The following LMX1A variants were observed in gnomAD, a reference collection of about 807,000 sequenced individuals.
LMX1A encodes LIM homeobox transcription factor 1 alpha.
LMX1A carries 15 observed loss-of-function variants against 49.1 expected under a neutral mutation model. The observed-to-expected ratio is 0.31, with a 90% CI of 0.20 to 0.47. The LOEUF is 0.47. LMX1A is among the 20% of genes least tolerant of loss of function. The probability of loss-of-function intolerance (pLI) is 1.00; values close to 1 mark genes in which losing one functional copy is unlikely to be tolerated. For missense variants in LMX1A, 372 were observed against 475.8 expected (o/e 0.78, Z 2.03); for synonymous variants, 167 against 185.7 (o/e 0.90, Z 0.82).
chr1:165,225,140 CAT>C (rs767451052), intron 4 of LMX1A, among the ~76,000 whole-genome samples: 1 of 152,202 alleles, frequency 6.6e-6, no homozygotes, highest in Non-Finnish European at 1.5e-5. Context: ...GACTGCAACA[CAT>C]AGTCTCCAAG....
chr1:165,320,273 A>G (rs1655346414), intron 3 of LMX1A, among the ~76,000 whole-genome samples: 1 of 152,226 alleles, frequency 6.6e-6, no homozygotes, highest in East Asian at 1.9e-4. Context: ...TGCTGAATAC[A>G]GTGAGGATGG....
chr1:165,292,067 A>C (rs1654489825), intron 3 of LMX1A, among the ~76,000 whole-genome samples: 1 of 150,624 alleles, frequency 6.6e-6, no homozygotes, highest in African/African-American at 2.4e-5. Context: ...GTCTCAAAAA[A>C]AAAAAAAAAA....
intron 3 of LMX1A, among the ~76,000 whole-genome samples, chr1:165,286,256 T>C (rs1186777232): frequency 1.3e-5 from 2 of 152,198 alleles, no homozygotes; most frequent in Non-Finnish European, 2.9e-5. Flanking sequence ...ACAGAGTATG[T>C]CGGCACTCAA....
At chr1:165,213,493 C>T (rs756150869) in intron 5 of LMX1A, 148 bp downstream of exon 5, 281 of 711,892 alleles carry the variant, frequency 3.9e-4, no homozygotes, top group Middle Eastern at 2.0e-3. Context: ...TCTGGAGTCT[C>T]CAACAGGCTT....
At position 165,331,133 on chromosome 1, in the gene LMX1A, A is replaced by G. The variant is rs528979756; in HGVS notation, c.263+21943T>C. 8.5e-5 allele frequency among the ~76,000 whole-genome samples: 13 copies of G among 152,360 alleles called. No individual in the cohort carries two copies. In the East Asian group the frequency reaches 2.3e-3, roughly 27 times the overall value. On this transcript the variant is annotated intron_variant, in intron 3 of 8. Coordinates refer to ENST00000342310, the MANE Select transcript of LMX1A (RefSeq NM_177398.4). Reference sequence around the variant, plus strand: ...ATTATTAACATGACCCATACTCAAGAGGAAGGATGATCAACAGAGGCCAAC... The same window carrying G: ...ATTATTAACATGACCCATACTCAAGGGGAAGGATGATCAACAGAGGCCAAC...
chr1:165,301,617 G>T (rs764666176), intron 3 of LMX1A, among the ~76,000 whole-genome samples: 5 of 152,136 alleles, frequency 3.3e-5, no homozygotes, highest in Non-Finnish European at 5.9e-5. Context: ...AACATAAAAG[G>T]TGAGAATGCG....
chr1:165,272,635 G>T (rs1400819355), intron 3 of LMX1A, among the ~76,000 whole-genome samples: 3 of 152,220 alleles, frequency 2.0e-5, no homozygotes, highest in African/African-American at 7.2e-5. Context: ...GGAAAGCATG[G>T]AAGGAAGAGG....
At chr1:165,352,692 G>T (rs1205328942) in intron 3 of LMX1A, among the ~76,000 whole-genome samples, 1 of 152,234 alleles carries the variant, frequency 6.6e-6, no homozygotes, top group Non-Finnish European at 1.5e-5. Context: ...GGAGACACGG[G>T]GTCACTGGCA....
intron 4 of LMX1A, among the ~76,000 whole-genome samples, chr1:165,237,439 G>C (rs116309457): frequency 6.6e-6 from 1 of 152,076 alleles, no homozygotes; most frequent in East Asian, 1.9e-4. Flanking sequence ...GGATGGTCTC[G>C]ATCTCCTGAT....
At chr1:165,347,411 A>C (rs1024291849) in intron 3 of LMX1A, among the ~76,000 whole-genome samples, 3 of 152,210 alleles carry the variant, frequency 2.0e-5, no homozygotes, top group African/African-American at 7.2e-5. Context: ...GTCCTCCCAC[A>C]TAGGAGCCTT....
At chr1:165,351,747 G>C (rs1656435802) in intron 3 of LMX1A, among the ~76,000 whole-genome samples, 1 of 152,200 alleles carries the variant, frequency 6.6e-6, no homozygotes, top group Non-Finnish European at 1.5e-5. Flanking sequence ...TGGTCACAGG[G>C]TCTAATCACT....
chr1:165,289,236 T>C (rs1654390156), intron 3 of LMX1A, among the ~76,000 whole-genome samples: 1 of 60,280 alleles, frequency 1.7e-5, no homozygotes. Context: ...TTTCTCTGAT[T>C]ATTGATAAAA....
intron 3 of LMX1A, among the ~76,000 whole-genome samples, chr1:165,266,742 C>G (rs182447713): frequency 1.3e-5 from 2 of 151,886 alleles, no homozygotes; most frequent in Non-Finnish European, 2.9e-5. Flanking sequence ...GCTGGGACTA[C>G]AGGTACCCGC....
chr1:165,308,545 T>A (rs138047152), intron 3 of LMX1A, among the ~76,000 whole-genome samples: 1 of 152,348 alleles, frequency 6.6e-6, no homozygotes, highest in East Asian at 1.9e-4. Context: ...TTTAAAACAG[T>A]ACTGAGCACG....
At chr1:165,229,872 T>C (rs1652179501) in intron 4 of LMX1A, among the ~76,000 whole-genome samples, 2 of 152,186 alleles carry the variant, frequency 1.3e-5, no homozygotes, top group South Asian at 2.1e-4. Context: ...AATGCTTACA[T>C]TGGGAAATGC....
At chr1:165,347,635 C>A (rs1265387967) in intron 3 of LMX1A, among the ~76,000 whole-genome samples, 1 of 152,226 alleles carries the variant, frequency 6.6e-6, no homozygotes. Flanking sequence ...ATTTTTAAAT[C>A]TTTCCCTGTG....
intron 3 of LMX1A, among the ~76,000 whole-genome samples, chr1:165,335,007 G>A (rs1371156677): frequency 6.6e-6 from 1 of 152,186 alleles, no homozygotes; most frequent in Admixed American, 6.5e-5. Context: ...ACCTTGAATT[G>A]TATTGCTGAA....
chr1:165,330,621 A>G (rs1050590645), intron 3 of LMX1A, among the ~76,000 whole-genome samples: 12 of 152,236 alleles, frequency 7.9e-5, no homozygotes, highest in African/African-American at 2.9e-4. Context: ...GACCAAAAGT[A>G]GGCAGATATT....
intron 3 of LMX1A, among the ~76,000 whole-genome samples, chr1:165,337,814 A>C (rs1418535135): frequency 6.6e-6 from 1 of 151,800 alleles, no homozygotes; most frequent in Admixed American, 6.6e-5. Flanking sequence ...GACCTTGCCC[A>C]CTGACCCAAC....
Sources: gnomAD v4.1 joint callset for allele counts (sites outside exome capture counted in the v4.1 genomes callset) on GRCh38, gnomAD v4.1.1 for gene constraint, MANE v1.5 for transcripts, NCBI Gene and HGNC (gene_info 2026-07-23, HGNC 2026-07-21) for gene names.